Variants in ALOX5 observed in about 807,000 individuals in gnomAD.
ALOX5 encodes polyunsaturated fatty acid 5-lipoxygenase.
A neutral mutation model predicts 87.9 loss-of-function variants in ALOX5; 64 were observed. The observed-to-expected ratio is 0.73, with a 90% CI of 0.60 to 0.90. The LOEUF (loss-of-function observed/expected upper bound fraction) is 0.90. ALOX5 is among the 40% of genes least tolerant of loss of function. The probability of loss-of-function intolerance (pLI) is 0.00; values close to 1 mark genes in which losing one functional copy is unlikely to be tolerated. For synonymous variants in ALOX5, 388 were observed against 355.1 expected, an observed-to-expected ratio of 1.09 and a Z score of -1.04; for missense variants, 822 against 907.5, an observed-to-expected ratio of 0.91 and a Z score of 1.21.
At position 45,409,523 on chromosome 10, in the gene ALOX5, CTCTCTCTCTCTG is replaced by C. The variant is rs1359279168; in HGVS notation, c.432-2660_432-2649del. The stretch of plus-strand genomic sequence containing the variant: ...TCTGTCTGTCTGTCTCTCTCTCTCT[CTCTCTCTCTCTG>C]TCTCTCTGTCTCTCTTGCTTTCTCT... On this transcript the variant is annotated intron_variant, in intron 3 of 13. Transcript: ENST00000374391. 4.0e-5 allele frequency among the ~76,000 whole-genome samples: 6 copies of C among 150,724 alleles called. No individual in the cohort carries two copies. The East Asian group carries it at 1.2e-3, about 29-fold the overall frequency.
At chr10:45,443,994 A>T in intron 12 of ALOX5, 122 bp from the exon 13 acceptor site, 1 of 1,433,112 alleles carries the variant, frequency 7.0e-7, no homozygotes, top group Non-Finnish European at 9.3e-7. Flanking sequence ...GCCGCGGGGA[A>T]AGAGGATGGA....
chr10:45,432,161 G>A (rs1386129775), intron 7 of ALOX5, among the ~76,000 whole-genome samples: 1 of 149,672 alleles, frequency 6.7e-6, no homozygotes, highest in Non-Finnish European at 1.5e-5. Context: ...TAGAGAGGCA[G>A]GGCAACCAAG....
Position 45,425,143 on chromosome 10 carries a change from A to G in ALOX5, c.834+11A>G. On this transcript the variant is annotated intron_variant, in intron 6 of 13. Transcript: ENST00000374391. The surrounding 1 kb of genome is among the most constrained non-coding windows in gnomAD (Gnocchi z 4.4). ...GAGCAGGAGGTCCAGGTAGGGGTTG[A>G]TGGGCTGGGGAAGTGGCCAAGGTCA... 6.2e-7 allele frequency: 1 copy of G among 1,611,248 alleles called. No individual in the cohort carries two copies.
At chr10:45,444,040 G>A in intron 12 of ALOX5, 76 bp from the exon 13 acceptor site, 3 of 1,472,170 alleles carry the variant, frequency 2.0e-6, no homozygotes, top group Non-Finnish European at 2.7e-6. Context: ...GGGGGCACGG[G>A]GAGGACGGGG....
At chr10:45,412,019 A>C (rs1841081064) in intron 3 of ALOX5, among the ~76,000 whole-genome samples, 172 bp from the exon 4 acceptor site, 1 of 152,192 alleles carries the variant, frequency 6.6e-6, no homozygotes, top group South Asian at 2.1e-4. Context: ...TGGACTTTGG[A>C]AGAGGTCCCA....
intron 4 of ALOX5, among the ~76,000 whole-genome samples, chr10:45,419,292 CG>C (rs1056272494): frequency 3.8e-4 from 54 of 140,816 alleles, no homozygotes; most frequent in South Asian, 2.8e-3. Flanking sequence ...AGAGAGAAAG[CG>C]GGGCACCCGG....
Position 45,382,521 on chromosome 10 carries a change from C to T in ALOX5, c.189C>T (p.Gly63=), listed in dbSNP as rs747497283. The change falls in exon 2 of 14, where the codon GGC becomes GGT. Residue 63 remains glycine (G), a synonymous_variant. Transcript: ENST00000374391. ...SYDVTVDEEL[G]EIQLVRIEKR... is the part of the protein sequence containing the mutation. ...ACGTGACTGTGGACGAGGAACTGGG[C>T]GAGATCCAGCTGGTCAGAATCGAGA... is the stretch of plus-strand genomic sequence containing the variant. 41 of 1,614,024 alleles carry T rather than the reference C, an allele frequency of 2.5e-5. No individual in the cohort carries two copies. Among genetic ancestry groups the T allele is most frequent in the South Asian group, 9.9e-5 (9 of 91,078 alleles).
rs556627079 is a variant in ALOX5 at position 45,374,574 on chromosome 10, G to A, written c.150+145G>A. 6 of 787,444 alleles carry A rather than the reference G, an allele frequency of 7.6e-6. No homozygotes were observed. In the South Asian group the frequency reaches 1.7e-4, roughly 23 times the overall value. The allele number at this position is 787,444 out of a possible 1,614,324, so 48.8% of individuals were successfully genotyped here. On this transcript the variant is annotated intron_variant, in intron 1 of 13. Transcript: ENST00000374391. ...GGGTGTCCAGGACCCTGTCAGGGAG[G>A]GCAGAACTGCGGTGGGGCGTGCCCT... is the stretch of plus-strand genomic sequence containing the variant.
chr10:45,439,056 G>A (rs753805746), intron 7 of ALOX5, among the ~76,000 whole-genome samples: 1 of 152,194 alleles, frequency 6.6e-6, no homozygotes, highest in Non-Finnish European at 1.5e-5. Flanking sequence ...ATAAGGAGGT[G>A]GGGAATGTGA....
chr10:45,386,995 C>T (rs994928648), intron 2 of ALOX5, among the ~76,000 whole-genome samples: 1 of 152,178 alleles, frequency 6.6e-6, no homozygotes, highest in East Asian at 1.9e-4. Context: ...ACCCTCAGGC[C>T]AGTGATGACT....
chr10:45,417,931 T>C (rs1345915066), intron 4 of ALOX5, among the ~76,000 whole-genome samples: 1 of 152,060 alleles, frequency 6.6e-6, no homozygotes, highest in Non-Finnish European at 1.5e-5. Context: ...TCCCCTCCCC[T>C]GTACTCCCCA....
intron 1 of ALOX5, among the ~76,000 whole-genome samples, chr10:45,380,222 G>T (rs1839779012): frequency 6.6e-6 from 1 of 152,258 alleles, no homozygotes; most frequent in South Asian, 2.1e-4. Context: ...TCTCCCTGCA[G>T]GAGGGGCATT....
chr10:45,374,645 A>AC (rs1473584893), intron 1 of ALOX5, among the ~76,000 whole-genome samples: 1 of 151,860 alleles, frequency 6.6e-6, no homozygotes, highest in Non-Finnish European at 1.5e-5. Flanking sequence ...AGCGTCCAGG[A>AC]CCCCTCGCGG....
intron 1 of ALOX5, among the ~76,000 whole-genome samples, chr10:45,378,450 C>T (rs1249028780): frequency 6.6e-6 from 1 of 152,220 alleles, no homozygotes; most frequent in Non-Finnish European, 1.5e-5. Context: ...AGGCCCAGTG[C>T]TTCCTGAGGG....
At chr10:45,419,534 G>A (rs1188423900) in intron 4 of ALOX5, among the ~76,000 whole-genome samples, 1 of 152,218 alleles carries the variant, frequency 6.6e-6, no homozygotes, top group Non-Finnish European at 1.5e-5. Context: ...CCAGCCACAT[G>A]CCCCGTGCTC....
At chr10:45,432,476 A>G (rs559144314) in intron 7 of ALOX5, among the ~76,000 whole-genome samples, 28 of 152,312 alleles carry the variant, frequency 1.8e-4, no homozygotes, top group Non-Finnish European at 4.4e-5. Flanking sequence ...GGGGGACAGT[A>G]TAGAGTAAGA....
At chr10:45,419,945 G>C (rs1303577348) in intron 4 of ALOX5, among the ~76,000 whole-genome samples, 1 of 152,172 alleles carries the variant, frequency 6.6e-6, no homozygotes, top group African/African-American at 2.4e-5. Flanking sequence ...GGCCGGAAGA[G>C]GAGGGGGCCT....
intron 4 of ALOX5, among the ~76,000 whole-genome samples, chr10:45,419,219 C>T (rs1841412147): frequency 6.6e-6 from 1 of 152,206 alleles, no homozygotes; most frequent in African/African-American, 2.4e-5. Context: ...CAGGTGAAGG[C>T]GCAGAGGCAG....
chr10:45,433,736 G>A (rs1441040196), intron 7 of ALOX5, among the ~76,000 whole-genome samples: 1 of 152,232 alleles, frequency 6.6e-6, no homozygotes, highest in African/African-American at 2.4e-5. Context: ...TTAAGGAAGA[G>A]AAGTTTCATT....
Sources: gnomAD v4.1 joint callset for allele counts (sites outside exome capture counted in the v4.1 genomes callset) on GRCh38, gnomAD v4.1.1 for gene constraint, Gnocchi (gnomAD v3.1) non-coding constraint, MANE v1.5 for transcripts, NCBI Gene and HGNC (gene_info 2026-07-23, HGNC 2026-07-21) for gene names.